Variants in PDZD2 observed in about 807,000 individuals in gnomAD.
PDZD2 encodes the protein PDZ domain-containing protein 2.
In PDZD2, 90 loss-of-function variants were observed where a neutral mutation model predicts 220.7. The ratio of observed to expected loss-of-function variants is 0.41; its 90% confidence interval spans 0.34 to 0.49. The LOEUF is 0.49. Ranked by LOEUF, PDZD2 falls within the 20% of genes least tolerant of loss-of-function variation. The pLI, the probability that PDZD2 is intolerant of heterozygous loss-of-function variation, is 0.28. For missense variants in PDZD2, 3,174 were observed against 3,608.5 expected, an observed-to-expected ratio of 0.88 and a Z score of 3.08; for synonymous variants, 1,375 against 1,450.5, an observed-to-expected ratio of 0.95 and a Z score of 1.18.
In PDZD2 at chr5:31,639,698, C is replaced by G. The variant is rs1561357227; in HGVS notation, c.-361+261C>G. 6.6e-6 allele frequency among the ~76,000 whole-genome samples: 1 copy of G among 152,184 alleles called. No individual in the cohort carries two copies. The highest frequency in any genetic ancestry group is 2.4e-5 in the African/African-American group (1 of 41,458). On this transcript the variant is annotated intron_variant, in intron 1 of 24. Transcript: ENST00000438447. The surrounding 1 kb of genome is among the most constrained non-coding windows in gnomAD (Gnocchi z 4.1). ...GGGGCTAGACAGAGCGGGACCGAGA[C>G]AGCGGGACAACCGGAGACGCACTGC...
chr5:32,010,088 A>AAAAAAAAAAG (rs945480757), intron 5 of PDZD2, among the ~76,000 whole-genome samples: 2 of 151,884 alleles, frequency 1.3e-5, no homozygotes, highest in African/African-American at 4.8e-5. Context: ...CTGTCTCAAA[A>AAAAAAAAAAG]AAAAGAAAAA....
intron 1 of PDZD2, among the ~76,000 whole-genome samples, chr5:31,698,449 A>C (rs1169749705): frequency 5.1e-5 from 7 of 137,598 alleles, no homozygotes; most frequent in Non-Finnish European, 1.1e-4. Flanking sequence ...ACAAAAAAAA[A>C]TTAGCCAGGC....
intron 2 of PDZD2, among the ~76,000 whole-genome samples, chr5:31,866,243 C>A (rs548675035): frequency 1.3e-5 from 2 of 151,988 alleles, no homozygotes; most frequent in African/African-American, 2.4e-5. Context: ...AAGCAGTCGG[C>A]CTGCCTCGGC....
intron 2 of PDZD2, among the ~76,000 whole-genome samples, chr5:31,837,013 CTTAAAAGAAAGAAAGAA>C (rs985033782): frequency 1.7e-5 from 2 of 120,122 alleles, no homozygotes; most frequent in African/African-American, 7.1e-5. Context: ...GCGAGACTGT[CTTAAAAGAAAGAAAGAA>C]AGAAAGAAAG....
intron 1 of PDZD2, among the ~76,000 whole-genome samples, chr5:31,670,701 G>A (rs531616601): frequency 1.1e-4 from 16 of 152,106 alleles, no homozygotes; most frequent in South Asian, 1.0e-3. Flanking sequence ...GATTACAGAC[G>A]TGAGCCACCG....
Position 32,000,892 on chromosome 5 carries a change from A to C in PDZD2, c.1254+621A>C, listed in dbSNP as rs1434027769. Among the ~76,000 whole-genome samples, 8 of 152,200 alleles carry C rather than the reference A, an allele frequency of 5.3e-5. No individual in the cohort carries two copies. Among genetic ancestry groups the C allele is most frequent in the Admixed American group, 4.6e-4 (7 of 15,286 alleles). On this transcript the variant is annotated intron_variant, in intron 5 of 24. Transcript: ENST00000438447. This position sits in a 1 kb window ranked among gnomAD's most constrained non-coding sequence, Gnocchi z 4.5. The stretch of plus-strand genomic sequence containing the variant: ...GATGGGCACTGGTCCATGGCCTGTT[A>C]GGAGCTGGGCTGCGCAGCAGTAGGT...
intron 1 of PDZD2, among the ~76,000 whole-genome samples, chr5:31,734,409 T>C (rs1258098854): frequency 6.6e-6 from 1 of 152,094 alleles, no homozygotes; most frequent in Non-Finnish European, 1.5e-5. Flanking sequence ...AGCCTCTGCC[T>C]CCCGGGTTCA....
chr5:32,077,765 T>G (rs972614390), intron 19 of PDZD2, 159 bp downstream of exon 19: 1 of 628,338 alleles, frequency 1.6e-6, no homozygotes, highest in African/African-American at 1.8e-5. Flanking sequence ...GAGACCAGCC[T>G]GGCCAACATG....
chr5:31,854,788 G>T (rs879452228), intron 2 of PDZD2: 1 of 172,286 alleles, frequency 5.8e-6, no homozygotes, highest in Admixed American at 6.5e-5. Flanking sequence ...CCCGGCGAGG[G>T]GAGTGACCGG....
chr5:32,037,183 A>G, intron 6 of PDZD2, 48 bp from the exon 7 acceptor site: 2 of 1,188,048 alleles, frequency 1.7e-6, no homozygotes, highest in Non-Finnish European at 2.5e-6. Context: ...AGCATAAGTC[A>G]TCGCAGGGCT....
At chr5:31,900,632 A>G (rs991913502) in intron 2 of PDZD2, among the ~76,000 whole-genome samples, 4 of 152,200 alleles carry the variant, frequency 2.6e-5, no homozygotes, top group East Asian at 1.9e-4. Flanking sequence ...CCGAGAGGCA[A>G]TGAGCCTGGG....
At chr5:31,692,206 G>C (rs1747167391) in intron 1 of PDZD2, among the ~76,000 whole-genome samples, 3 of 152,238 alleles carry the variant, frequency 2.0e-5, no homozygotes, top group Admixed American at 6.5e-5. Context: ...GCAGCTGCTG[G>C]CCCAGGTGCT....
intron 2 of PDZD2, among the ~76,000 whole-genome samples, chr5:31,808,701 G>A (rs1580798103): frequency 6.6e-6 from 1 of 152,180 alleles, no homozygotes; most frequent in Non-Finnish European, 1.5e-5. Flanking sequence ...ATGAGGCTGG[G>A]CATAGTGGCT....
At chr5:31,866,434 G>A (rs186419187) in intron 2 of PDZD2, among the ~76,000 whole-genome samples, 147 of 152,244 alleles carry the variant, frequency 9.7e-4, no homozygotes, top group African/African-American at 3.4e-3. Context: ...CTGTCGGCCC[G>A]GGCATCTGAG....
intron 1 of PDZD2, among the ~76,000 whole-genome samples, chr5:31,689,410 G>T (rs1747028047): frequency 7.7e-6 from 1 of 130,056 alleles, no homozygotes; most frequent in African/African-American, 3.0e-5. Flanking sequence ...GGCCAGGCTG[G>T]TCTCAAACTC....
chr5:31,783,790 A>G (rs1263272990), intron 1 of PDZD2, among the ~76,000 whole-genome samples: 1 of 152,106 alleles, frequency 6.6e-6, no homozygotes, highest in Non-Finnish European at 1.5e-5. Context: ...CCCTGTGGAG[A>G]TGTGCCCTTG....
intron 14 of PDZD2, among the ~76,000 whole-genome samples, chr5:32,066,606 A>C (rs1429501402): frequency 2.0e-5 from 3 of 152,212 alleles, no homozygotes. Context: ...CTCGGGAAGC[A>C]GTCCAGTAAC....
chr5:31,929,602 C>G (rs1315304453), intron 2 of PDZD2, among the ~76,000 whole-genome samples: 1 of 152,198 alleles, frequency 6.6e-6, no homozygotes, highest in Non-Finnish European at 1.5e-5. Flanking sequence ...GTAATCCCAG[C>G]ACTTTGGGAG....
At chr5:31,640,720 G>A (rs1305372610) in intron 1 of PDZD2, among the ~76,000 whole-genome samples, 2 of 152,066 alleles carry the variant, frequency 1.3e-5, no homozygotes, top group Non-Finnish European at 2.9e-5. Flanking sequence ...TGCTGCTTGT[G>A]GGGGCAGAAG....
Sources: allele counts gnomAD v4.1 joint callset (sites outside exome capture counted in the v4.1 genomes callset), GRCh38; gene constraint gnomAD v4.1.1; non-coding constraint Gnocchi (gnomAD v3.1); transcripts MANE v1.5; gene names NCBI Gene and HGNC (gene_info 2026-07-23, HGNC 2026-07-21).